Variants in BAHCC1 observed in about 807,000 individuals in gnomAD.
The protein encoded by BAHCC1 is BAH and coiled-coil domain-containing protein 1.
Under a neutral mutation model 88.2 loss-of-function variants are expected in BAHCC1, and 43 were observed. That is an observed-to-expected ratio of 0.49 (90% CI 0.38 to 0.63). The LOEUF is 0.63. Ranked by LOEUF, BAHCC1 falls within the 20% of genes least tolerant of loss-of-function variation. The pLI is 0.00. For synonymous variants in BAHCC1, 1,510 were observed against 745.5 expected (o/e 2.03, Z -16.71); for missense variants, 3,023 against 1,654.8 (o/e 1.83, Z -14.34).
Position 81,460,911 on chromosome 17 carries a change from C to T in BAHCC1, c.6248C>T (p.Ala2083Val). ...LTSGAKSPTGASDHFLGRRGS... is the reference protein window; with the variant it reads ...LTSGAKSPTGVSDHFLGRRGS... ...TCAGGTGCCAAATCCCCCACGGGGG[C>T]CTCCGACCACTTCCTGGGCCGCCGT... Residue 2083 changes from alanine (A) to valine (V), a missense_variant, in exon 26 of 28, where the codon GCC becomes GTC. Coordinates refer to ENST00000675386, the MANE Select transcript of BAHCC1 (RefSeq NM_001377448.1). 1 of 768,030 alleles carries T rather than the reference C, an allele frequency of 1.3e-6. No homozygotes were observed. The highest frequency in any genetic ancestry group is 2.4e-6 in the Non-Finnish European group (1 of 417,896). The allele number at this position is 768,030 out of a possible 1,614,324, so 47.6% of individuals were successfully genotyped here.
rs782242715 is a variant in BAHCC1, at chr17:81,461,563, G to A, written c.6900G>A (p.Pro2300=). 39 of 721,256 alleles carry A rather than the reference G, an allele frequency of 5.4e-5. No individual in the cohort carries two copies. Among genetic ancestry groups the A allele is most frequent in the Middle Eastern group, 2.3e-4 (1 of 4,400 alleles). The allele number at this position is 721,256 out of a possible 1,614,324, so 44.7% of individuals were successfully genotyped here. A position where few individuals can be genotyped will look rare whatever the true frequency, so the allele number is the denominator to read the frequency against. The change falls in exon 26 of 28, where the codon CCG becomes CCA. Residue 2300 remains proline, a synonymous_variant. Transcript: ENST00000675386. ...SSFSDEDEDG[P]GLAAGVPSRF... is the part of the protein sequence containing the mutation. ...TCTCGGACGAGGACGAGGACGGGCCGGGGCTGGCGGCCGGCGTGCCCTCCC... is the reference window on the plus strand; with the variant it reads ...TCTCGGACGAGGACGAGGACGGGCCAGGGCTGGCGGCCGGCGTGCCCTCCC...
At chr17:81,400,175 C>A (rs1555645817) in intron 2 of BAHCC1, among the ~76,000 whole-genome samples, 2 of 152,142 alleles carry the variant, frequency 1.3e-5, no homozygotes, top group African/African-American at 2.4e-5. Flanking sequence ...GAAATTAAAG[C>A]CTTTCCGCGC....
At chr17:81,425,613 ATAG>A (rs1555650305) in intron 2 of BAHCC1, among the ~76,000 whole-genome samples, 3 of 119,898 alleles carry the variant, frequency 2.5e-5, no homozygotes, top group South Asian at 2.9e-4. Context: ...GTTGGGGGTG[ATAG>A]TGGTGGGTGA....
chr17:81,456,110 C>T, intron 15 of BAHCC1, 187 bp from the exon 16 acceptor site: 1 of 552,284 alleles, frequency 1.8e-6, no homozygotes. Context: ...GGAAAGGCCG[C>T]AGCGTAGGCT....
Position 81,411,831 on chromosome 17 carries a change from G to A in BAHCC1, c.178+11914G>A, listed in dbSNP as rs1385929916. ...GCCTCAGCAAGGTCGTTCCCGACAA[G>A]CCCCTCACCGCCCCGGCCCCTGCCC... On this transcript the variant is annotated intron_variant, in intron 2 of 27. Transcript: ENST00000675386. The surrounding 1 kb of genome is among the most constrained non-coding windows in gnomAD (Gnocchi z 6.2). 1.3e-5 allele frequency among the ~76,000 whole-genome samples: 2 copies of A among 152,210 alleles called. No individual in the cohort carries two copies. The highest frequency in any genetic ancestry group is 6.5e-5 in the Admixed American group (1 of 15,278).
rs1404006319 is a variant in BAHCC1, at chr17:81,442,393, A to G, written c.1044A>G (p.Ala348=). ...LERRQMLHHT[A]SYAGPPPPLS... is the part of the protein sequence containing the mutation. ...GGCGGCAGATGCTACACCACACCGC[A>G]TCCTACGCCGGGCCACCCCCGCCCC... is the stretch of plus-strand genomic sequence containing the variant. Residue 348 remains alanine, a synonymous_variant, in exon 5 of 28, where the codon GCA becomes GCG. Transcript: ENST00000675386. The G allele has an allele frequency of 1.4e-6, 1 of 701,566 alleles. No individual in the cohort carries two copies. The allele number at this position is 701,566 out of a possible 1,614,324, so 43.5% of individuals were successfully genotyped here. A position where few individuals can be genotyped will look rare whatever the true frequency, so the allele number is the denominator to read the frequency against.
At chr17:81,452,132 C>A (rs374505812) in intron 13 of BAHCC1, 25 bp downstream of exon 13, 3 of 558,682 alleles carry the variant, frequency 5.4e-6, no homozygotes, top group South Asian at 2.2e-5. Context: ...GCGGGGGGGC[C>A]TGGGAGGGTC....
intron 3 of BAHCC1, among the ~76,000 whole-genome samples, chr17:81,429,180 C>T (rs1377295751): frequency 6.6e-6 from 1 of 152,124 alleles, no homozygotes; most frequent in Non-Finnish European, 1.5e-5. Flanking sequence ...CGGGTGGAGG[C>T]GGGACAAGGG....
At chr17:81,445,794 C>T (rs1392762440) in intron 10 of BAHCC1, 113 bp downstream of exon 10, 1 of 635,590 alleles carries the variant, frequency 1.6e-6, no homozygotes, top group African/African-American at 1.8e-5. Context: ...CACACCTGCC[C>T]AGACCCAGGG....
rs1555660411 is a variant in BAHCC1 at position 81,465,051 on chromosome 17, C to G, written c.*1234C>G. The G allele has an allele frequency of 6.6e-6, 1 of 152,306 alleles. No individual in the cohort carries two copies. Among genetic ancestry groups the G allele is most frequent in the Non-Finnish European group, 1.5e-5 (1 of 68,118 alleles). The allele number at this position is 152,306 out of a possible 1,614,324, so 9.4% of individuals were successfully genotyped here. On this transcript the variant is annotated 3_prime_UTR_variant, in exon 28 of 28. Coordinates refer to ENST00000675386, the MANE Select transcript of BAHCC1 (RefSeq NM_001377448.1). ...CATGCAAAAGACACCCCTTTTCCCA[C>G]CCACCTTATTGGTGCCCCCAAACCC...
chr17:81,456,907 A>G (rs2064759913), intron 16 of BAHCC1, among the ~76,000 whole-genome samples: 1 of 151,212 alleles, frequency 6.6e-6, no homozygotes. Flanking sequence ...CTGTGACTGT[A>G]GCATCCGGCT....
chr17:81,425,137 ATGTGGTTGGGGGTGATGGTGGGTGT>A (rs1555650148), intron 2 of BAHCC1, among the ~76,000 whole-genome samples: 1 of 67,682 alleles, frequency 1.5e-5, no homozygotes, highest in Non-Finnish European at 2.6e-5. Context: ...GTGGTGGGTG[ATGTGGTTGGGGGTGATGGTGGGTGT>A]TGTGGTTGGT....
intron 3 of BAHCC1, among the ~76,000 whole-genome samples, chr17:81,432,610 C>CCCATCGCCGGG (rs2064276724): frequency 1.4e-5 from 1 of 73,560 alleles, no homozygotes; most frequent in Non-Finnish European, 2.8e-5. Flanking sequence ...CAACCTCCGT[C>CCCATCGCCGGG]CCCAGCCCTG....
intron 2 of BAHCC1, chr17:81,415,483 C>G (rs1233227247): frequency 7.9e-6 from 4 of 505,754 alleles, no homozygotes; most frequent in Middle Eastern, 3.2e-4. Flanking sequence ...GCCAGCTGTA[C>G]CAAAAGCAGT....
intron 14 of BAHCC1, among the ~76,000 whole-genome samples, chr17:81,454,692 G>A (rs1555656786): frequency 6.6e-6 from 1 of 152,170 alleles, no homozygotes; most frequent in East Asian, 1.9e-4. Flanking sequence ...ATCAGGCCCT[G>A]AACACCCGCC....
In BAHCC1 at chr17:81,457,478, C is replaced by A. The variant is rs781929041; in HGVS notation, c.4927C>A (p.Leu1643Met). 1 of 769,962 alleles carries A rather than the reference C, an allele frequency of 1.3e-6. No individual in the cohort carries two copies. Among genetic ancestry groups the A allele is most frequent in the East Asian group, 2.4e-5 (1 of 40,832 alleles). 47.7% of individuals were successfully genotyped at this position (769,962 alleles called of 1,614,324 possible). A position where few individuals can be genotyped will look rare whatever the true frequency, so the allele number is the denominator to read the frequency against. Reference protein sequence around the residue: ...GTEAPPREAGLLLHTGASVAV... With the variant: ...GTEAPPREAGMLLHTGASVAV... ...AGAGGCACCACCCAGGGAAGCAGGG[C>A]TGCTGCTGCACACCGGGGCCAGTGT... is the stretch of plus-strand genomic sequence containing the variant. The change falls in exon 17 of 28, where the codon CTG (leucine) becomes ATG (methionine). Residue 1643 changes from leucine (L) to methionine (M), a missense_variant. Physicochemically the swap from Leu to Met is conservative, Grantham distance 15. Transcript: ENST00000675386.
intron 4 of BAHCC1, 69 bp from the exon 5 acceptor site, chr17:81,441,762 T>C: frequency 4.0e-6 from 2 of 493,952 alleles, no homozygotes; most frequent in Non-Finnish European, 7.4e-6. Flanking sequence ...CTGGAGCACC[T>C]GTCTCAGGGA....
At chr17:81,407,612 G>A (rs2063897191) in intron 2 of BAHCC1, among the ~76,000 whole-genome samples, 1 of 152,254 alleles carries the variant, frequency 6.6e-6, no homozygotes, top group Admixed American at 6.5e-5. Context: ...CTGTGGGGCA[G>A]GTCCCCTCTC....
chr17:81,415,330 A>G (rs1211979598), intron 2 of BAHCC1, among the ~76,000 whole-genome samples: 2 of 152,166 alleles, frequency 1.3e-5, no homozygotes, highest in African/African-American at 4.8e-5. Context: ...GGGAGTTCCA[A>G]GGGGGACCTT....
Sources: allele counts gnomAD v4.1 joint callset (sites outside exome capture counted in the v4.1 genomes callset), GRCh38; gene constraint gnomAD v4.1.1; non-coding constraint Gnocchi (gnomAD v3.1); transcripts MANE v1.5; gene names NCBI Gene and HGNC (gene_info 2026-07-23, HGNC 2026-07-21).